The following KANK1 variants were observed in gnomAD, a reference collection of about 807,000 sequenced individuals.
The protein encoded by KANK1 is KN motif and ankyrin repeat domain-containing protein 1.
Under a neutral mutation model 106.2 loss-of-function variants are expected in KANK1, and 109 were observed. The ratio of observed to expected loss-of-function variants is 1.03; its 90% confidence interval spans 0.88 to 1.20. The LOEUF is 1.20. Ranked by LOEUF, KANK1 falls within the 50% of genes most tolerant of loss-of-function variation. KANK1 has a pLI of 0.00. For missense variants in KANK1, 2,399 were observed against 1,710.7 expected, an observed-to-expected ratio of 1.40 and a Z score of -7.10; for synonymous variants, 873 against 652.2, an observed-to-expected ratio of 1.34 and a Z score of -5.16.
intron 3 of KANK1, among the ~76,000 whole-genome samples, chr9:478,724 T>C (rs1296399947): frequency 1.3e-5 from 2 of 152,130 alleles, no homozygotes; most frequent in African/African-American, 4.8e-5. Context: ...CACCAAAACT[T>C]CTTCCATATC....
chr9:590,439 G>A (rs576565055), intron 1 of KANK1, among the ~76,000 whole-genome samples: 2 of 152,082 alleles, frequency 1.3e-5, no homozygotes, highest in East Asian at 3.9e-4. Context: ...AGACAGTTTA[G>A]TGTGTCTCAA....
chr9:693,844 G>A (rs1485864993), intron 2 of KANK1: 2 of 979,364 alleles, frequency 2.0e-6, no homozygotes, highest in Non-Finnish European at 2.4e-6. Flanking sequence ...TTGGGTGGGG[G>A]TTGGTGAAAT....
In KANK1 at chr9:677,853, G is replaced by C. The variant is rs139434035; in HGVS notation, c.37+844G>C. On this transcript the variant is annotated intron_variant, in intron 2 of 11. Coordinates refer to ENST00000382297, the MANE Select transcript of KANK1 (RefSeq NM_015158.5). ...AATTGGAGCCAGGAAACCTGAATTT[G>C]AGTCCTAGTTCCAGCACTAACCGTG... Among the ~76,000 whole-genome samples, 45 of 152,266 alleles carry C rather than the reference G, an allele frequency of 3.0e-4. 2 individuals are homozygous for C. The highest frequency in any genetic ancestry group is 1.0e-3 in the African/African-American group (42 of 41,526).
chr9:542,468 A>G (rs1254572519), intron 1 of KANK1, among the ~76,000 whole-genome samples: 6 of 152,264 alleles, frequency 3.9e-5, no homozygotes, highest in Non-Finnish European at 5.9e-5. Context: ...TGAGAATGTT[A>G]GTACAACCAA....
At chr9:586,128 C>G (rs1287166014) in intron 1 of KANK1, among the ~76,000 whole-genome samples, 2 of 152,148 alleles carry the variant, frequency 1.3e-5, no homozygotes, top group Admixed American at 1.3e-4. Context: ...AGTAGATGTA[C>G]TAGTTCCCAT....
chr9:731,323 C>A, intron 5 of KANK1, 57 bp downstream of exon 5: 1 of 1,039,492 alleles, frequency 9.6e-7, no homozygotes, highest in South Asian at 1.4e-5. Context: ...TACCTCCTGC[C>A]TAAGTCACAT....
chr9:742,543 C>T (rs1012157014), intron 10 of KANK1, 138 bp downstream of exon 10: 2 of 632,996 alleles, frequency 3.2e-6, no homozygotes, highest in Non-Finnish European at 5.4e-6. Context: ...TAGGTGCCTC[C>T]CTTCACAGCC....
intron 1 of KANK1, among the ~76,000 whole-genome samples, chr9:665,836 T>G (rs1844438283): frequency 6.6e-6 from 1 of 152,200 alleles, no homozygotes; most frequent in African/African-American, 2.4e-5. Context: ...ATTTATTTAA[T>G]CAGTTTTTTA....
chr9:580,454 C>A (rs1215523752), intron 1 of KANK1, among the ~76,000 whole-genome samples: 1 of 151,992 alleles, frequency 6.6e-6, no homozygotes. Context: ...CCACCCACAT[C>A]CTGTTGATTG....
chr9:670,785 T>G (rs1163773162), intron 1 of KANK1, among the ~76,000 whole-genome samples: 1 of 152,100 alleles, frequency 6.6e-6, no homozygotes, highest in African/African-American at 2.4e-5. Context: ...ATAGGTCTCC[T>G]GCCAAAGAAG....
At chr9:525,068 C>G (rs569549023) in intron 1 of KANK1, among the ~76,000 whole-genome samples, 2 of 144,950 alleles carry the variant, frequency 1.4e-5, no homozygotes, top group African/African-American at 5.2e-5. Flanking sequence ...AATCTCAGCT[C>G]ACTGCAACCT....
At chr9:575,629 T>C (rs1820347895) in intron 1 of KANK1, among the ~76,000 whole-genome samples, 1 of 151,832 alleles carries the variant, frequency 6.6e-6, no homozygotes, top group East Asian at 1.9e-4. Context: ...CATGATCATG[T>C]CACTGCACTC....
At chr9:574,566 T>C (rs1024118036) in intron 1 of KANK1, among the ~76,000 whole-genome samples, 1 of 152,134 alleles carries the variant, frequency 6.6e-6, no homozygotes, top group Non-Finnish European at 1.5e-5. Flanking sequence ...TTTGAAAATA[T>C]TCTTTCTCAG....
intron 1 of KANK1, among the ~76,000 whole-genome samples, chr9:649,309 T>C (rs1319131461): frequency 1.3e-5 from 2 of 152,184 alleles, no homozygotes; most frequent in African/African-American, 4.8e-5. Context: ...CTCTTGTCCC[T>C]ACATCCCATC....
intron 1 of KANK1, among the ~76,000 whole-genome samples, chr9:564,489 A>T (rs914935043): frequency 6.6e-6 from 1 of 152,248 alleles, no homozygotes; most frequent in Non-Finnish European, 1.5e-5. Flanking sequence ...ATACGTGTAC[A>T]TATCTCTATT....
intron 1 of KANK1, among the ~76,000 whole-genome samples, chr9:615,959 GC>G (rs2136258282): frequency 6.6e-6 from 1 of 152,256 alleles, no homozygotes; most frequent in South Asian, 2.1e-4. Context: ...CTGTGTTGAT[GC>G]CATTTGCCTG....
chr9:524,447 G>C (rs181056853), intron 1 of KANK1, among the ~76,000 whole-genome samples: 3 of 151,540 alleles, frequency 2.0e-5, no homozygotes, highest in Non-Finnish European at 4.4e-5. Flanking sequence ...CTTAGCTTAC[G>C]GCTGGTTTTA....
intron 6 of KANK1, chr9:732,844 A>T: frequency 4.9e-6 from 2 of 404,522 alleles, no homozygotes; most frequent in Non-Finnish European, 8.8e-6. Flanking sequence ...CTGAAACCTT[A>T]ACTCTGCTAT....
intron 1 of KANK1, among the ~76,000 whole-genome samples, chr9:633,015 A>G (rs2136863004): frequency 6.6e-6 from 1 of 152,210 alleles, no homozygotes; most frequent in South Asian, 2.1e-4. Flanking sequence ...GTTTTAGCAA[A>G]GCAAAACGGC....
Sources: allele counts gnomAD v4.1 joint callset (sites outside exome capture counted in the v4.1 genomes callset), GRCh38; gene constraint gnomAD v4.1.1; transcripts MANE v1.5; gene names NCBI Gene and HGNC (gene_info 2026-07-23, HGNC 2026-07-21).